The following NALF1 variants were observed in gnomAD, a reference collection of about 807,000 sequenced individuals.
NALF1 encodes NALCN channel auxiliary factor 1, also known as family with sequence similarity 155 member A.
Under a neutral mutation model 48.4 loss-of-function variants are expected in NALF1, and 3 were observed. The observed-to-expected ratio is 0.06, with a 90% CI of 0.03 to 0.16. NALF1 has a LOEUF of 0.16. Ranked by LOEUF, NALF1 falls within the 10% of genes least tolerant of loss-of-function variation. NALF1 has a pLI of 1.00. For synonymous variants in NALF1, 262 were observed against 245.7 expected (o/e 1.07, Z -0.62); for missense variants, 526 against 571.5 (o/e 0.92, Z 0.81).
At chr13:107,707,324 T>C (rs1038257015) in intron 1 of NALF1, among the ~76,000 whole-genome samples, 2 of 152,218 alleles carry the variant, frequency 1.3e-5, no homozygotes, top group African/African-American at 4.8e-5. Flanking sequence ...ATAAAAATGA[T>C]GCATCCAATA....
At chr13:107,385,558 AAAAAAAAAAAAAAAAAAAAC>A in intron 1 of NALF1, among the ~76,000 whole-genome samples, 1 of 28,190 alleles carries the variant, frequency 3.5e-5, no homozygotes, top group South Asian at 8.5e-4. Flanking sequence ...ATCTCAAAAA[AAAAAAAAAAAAAAAAAAAAC>A]AAAGAAAAGA....
At chr13:107,597,054 G>A (rs1037191781) in intron 1 of NALF1, among the ~76,000 whole-genome samples, 4 of 152,058 alleles carry the variant, frequency 2.6e-5, no homozygotes, top group African/African-American at 9.7e-5. Flanking sequence ...GAGACATTTC[G>A]ATATATTCAA....
intron 1 of NALF1, among the ~76,000 whole-genome samples, chr13:107,837,690 TCCCAGG>T (rs55896559): frequency 0.17 from 25,808 of 151,852 alleles, 2,527 homozygotes; most frequent in East Asian, 0.34. Flanking sequence ...CTGCGCAGAC[TCCCAGG>T]AGTCAGCGTG....
intron 1 of NALF1, among the ~76,000 whole-genome samples, chr13:107,217,072 T>G (rs1879888737): frequency 6.6e-6 from 1 of 152,206 alleles, no homozygotes; most frequent in South Asian, 2.1e-4. Flanking sequence ...TTTTTCTCTC[T>G]TCCTCATTAA....
chr13:107,560,302 T>C (rs948589846), intron 1 of NALF1, among the ~76,000 whole-genome samples: 16 of 151,980 alleles, frequency 1.1e-4, no homozygotes, highest in Non-Finnish European at 2.1e-4. Context: ...GTAGACTGGA[T>C]GGGACTAGGG....
intron 1 of NALF1, among the ~76,000 whole-genome samples, chr13:107,234,828 A>AT (rs1594082536): frequency 6.6e-6 from 1 of 152,188 alleles, no homozygotes; most frequent in African/African-American, 2.4e-5. Context: ...TGACATCTCT[A>AT]TTTTTGGTAA....
intron 1 of NALF1, among the ~76,000 whole-genome samples, chr13:107,267,957 A>C (rs1158433875): frequency 6.6e-6 from 1 of 151,542 alleles, no homozygotes. Context: ...AGCAATTTAA[A>C]ACACATGAAT....
At chr13:107,629,116 C>T (rs905862168) in intron 1 of NALF1, among the ~76,000 whole-genome samples, 1 of 152,160 alleles carries the variant, frequency 6.6e-6, no homozygotes, top group African/African-American at 2.4e-5. Flanking sequence ...CTAATGTGCA[C>T]TAAAGAAGAA....
intron 1 of NALF1, among the ~76,000 whole-genome samples, chr13:107,369,220 G>C (rs1883205975): frequency 6.6e-6 from 1 of 152,160 alleles, no homozygotes; most frequent in Non-Finnish European, 1.5e-5. Flanking sequence ...CCCTCCCACA[G>C]AAGCTCATGA....
At chr13:107,318,926 TC>T (rs1306494633) in intron 1 of NALF1, among the ~76,000 whole-genome samples, 1 of 152,116 alleles carries the variant, frequency 6.6e-6, no homozygotes, top group East Asian at 1.9e-4. Flanking sequence ...CATTTGTATG[TC>T]CATTTATAAG....
intron 1 of NALF1, among the ~76,000 whole-genome samples, chr13:107,577,796 A>C (rs1878196090): frequency 6.6e-6 from 1 of 151,980 alleles, no homozygotes; most frequent in African/African-American, 2.4e-5. Flanking sequence ...TTCATCCCGG[A>C]TCTCTTCAAG....
intron 1 of NALF1, among the ~76,000 whole-genome samples, chr13:107,280,455 A>G (rs1025170296): frequency 6.6e-6 from 1 of 152,216 alleles, no homozygotes; most frequent in Admixed American, 6.5e-5. Flanking sequence ...GGTTTTCATC[A>G]AACACTCAAG....
intron 1 of NALF1, among the ~76,000 whole-genome samples, chr13:107,285,091 A>G (rs1052951648): frequency 2.0e-5 from 3 of 152,192 alleles, no homozygotes; most frequent in Non-Finnish European, 4.4e-5. Flanking sequence ...CCTGTGGCAT[A>G]TATTATATGT....
intron 1 of NALF1, among the ~76,000 whole-genome samples, chr13:107,590,371 T>C (rs1390944231): frequency 1.3e-5 from 2 of 152,052 alleles, no homozygotes; most frequent in Admixed American, 1.3e-4. Flanking sequence ...GGATGATTAT[T>C]GTATTGTGAG....
intron 1 of NALF1, among the ~76,000 whole-genome samples, chr13:107,452,561 A>C (rs1884760363): frequency 6.6e-6 from 1 of 152,152 alleles, no homozygotes; most frequent in South Asian, 2.1e-4. Flanking sequence ...CTCTACCTGG[A>C]CATGTGAGGA....
At chr13:107,628,643 G>A (rs777053205) in intron 1 of NALF1, among the ~76,000 whole-genome samples, 8 of 152,046 alleles carry the variant, frequency 5.3e-5, no homozygotes, top group East Asian at 1.9e-4. Context: ...AAGCAATGCC[G>A]CCAATTCCCA....
intron 1 of NALF1, among the ~76,000 whole-genome samples, chr13:107,794,177 A>C (rs947130489): frequency 6.6e-6 from 1 of 152,190 alleles, no homozygotes; most frequent in Non-Finnish European, 1.5e-5. Flanking sequence ...ACTGCAACTT[A>C]CACCTCATTT....
intron 1 of NALF1, among the ~76,000 whole-genome samples, chr13:107,546,259 A>G (rs1193756682): frequency 6.6e-5 from 10 of 152,272 alleles, no homozygotes; most frequent in East Asian, 5.8e-4. Context: ...ACTTGAACTT[A>G]GTGCTCTTAT....
intron 1 of NALF1, among the ~76,000 whole-genome samples, chr13:107,822,725 C>T (rs1879394848): frequency 6.6e-6 from 1 of 152,114 alleles, no homozygotes; most frequent in Non-Finnish European, 1.5e-5. Flanking sequence ...TGAAAATCCT[C>T]CAAATTTTGG....
Sources: gnomAD v4.1 joint callset for allele counts (sites outside exome capture counted in the v4.1 genomes callset) on GRCh38, gnomAD v4.1.1 for gene constraint, MANE v1.5 for transcripts, NCBI Gene and HGNC (gene_info 2026-07-23, HGNC 2026-07-21) for gene names.